Variants in ADGRG7 observed in about 807,000 individuals in gnomAD.
The protein encoded by ADGRG7 is G-protein coupled receptor 128.
ADGRG7 carries 82 observed loss-of-function variants against 88.6 expected under a neutral mutation model. That is an observed-to-expected ratio of 0.93 (90% CI 0.77 to 1.11). The LOEUF is 1.11. ADGRG7 is among the 50% of genes most tolerant of loss of function. The pLI, the probability that ADGRG7 is intolerant of heterozygous loss-of-function variation, is 0.00. For missense variants in ADGRG7, 945 were observed against 953.4 expected (o/e 0.99, Z 0.12); for synonymous variants, 381 against 345.2 (o/e 1.10, Z -1.15).
intron 1 of ADGRG7, among the ~76,000 whole-genome samples, chr3:100,624,627 T>A (rs982259068): frequency 6.6e-6 from 1 of 152,192 alleles, no homozygotes. Context: ...ATGTCCTGAA[T>A]GGTATTGCCT....
chr3:100,671,343 A>G (rs531773130), intron 15 of ADGRG7, among the ~76,000 whole-genome samples: 8 of 152,270 alleles, frequency 5.3e-5, no homozygotes, highest in Non-Finnish European at 7.4e-5. Flanking sequence ...GGGTTCATAA[A>G]TGTCTTCCTT....
intron 1 of ADGRG7, among the ~76,000 whole-genome samples, chr3:100,615,176 G>A (rs1443129641): frequency 6.6e-6 from 1 of 152,130 alleles, no homozygotes; most frequent in Non-Finnish European, 1.5e-5. Flanking sequence ...TACTGATCTG[G>A]AACTAATCAC....
chr3:100,659,647 C>T (rs768242186), intron 13 of ADGRG7, 41 bp from the exon 14 acceptor site: 1 of 1,596,310 alleles, frequency 6.3e-7, no homozygotes. Flanking sequence ...GTATGTATAC[C>T]TTTCTTAGTC....
At chr3:100,611,422 G>T (rs534339679) in intron 1 of ADGRG7, among the ~76,000 whole-genome samples, 184 of 151,784 alleles carry the variant, frequency 1.2e-3, no homozygotes, top group African/African-American at 4.3e-3. Context: ...CACAGTTATA[G>T]CAAAACCATT....
chr3:100,630,548 A>G (rs1267504325), intron 2 of ADGRG7, among the ~76,000 whole-genome samples, 157 bp from the exon 3 acceptor site: 3 of 152,206 alleles, frequency 2.0e-5, no homozygotes, highest in Non-Finnish European at 2.9e-5. Flanking sequence ...ACTTAACCAG[A>G]TAGCAAAGTA....
chr3:100,693,895 T>A (rs1013142656), intron 15 of ADGRG7, among the ~76,000 whole-genome samples: 1 of 152,204 alleles, frequency 6.6e-6, no homozygotes. Context: ...TCTTAAAAGC[T>A]ATGATACACT....
chr3:100,616,598 G>A (rs1707227707), intron 1 of ADGRG7, among the ~76,000 whole-genome samples: 1 of 152,156 alleles, frequency 6.6e-6, no homozygotes, highest in African/African-American at 2.4e-5. Flanking sequence ...GTCACTTGAA[G>A]CCAAGAGTTT....
In ADGRG7 at chr3:100,646,686, T is replaced by C; in HGVS notation, c.1228T>C (p.Cys410Arg). Residue 410 changes from cysteine (C) to arginine (R), a missense_variant, in exon 10 of 16, where the codon TGC becomes CGC. Cys to Arg is a radical substitution (Grantham distance 180). Transcript: ENST00000273352. Reference sequence around the variant, plus strand: ...CAAGGGCACTGATGGATTCCTGCGCTGCCGCTGCAACCATACTACTAATTT... The same window carrying C: ...CAAGGGCACTGATGGATTCCTGCGCCGCCGCTGCAACCATACTACTAATTT... ...KDKGTDGFLR[C>R]RCNHTTNFAV... 1 of 1,614,206 alleles carries C rather than the reference T, an allele frequency of 6.2e-7. No homozygotes were observed. Among genetic ancestry groups the C allele is most frequent in the Non-Finnish European group, 8.5e-7 (1 of 1,180,004 alleles).
intron 15 of ADGRG7, among the ~76,000 whole-genome samples, chr3:100,676,776 T>A (rs779652929): frequency 6.6e-6 from 1 of 152,074 alleles, no homozygotes; most frequent in Non-Finnish European, 1.5e-5. Flanking sequence ...TATATGTGGG[T>A]GCTCCAGTAT....
At chr3:100,681,071 A>G (rs1265719639) in intron 15 of ADGRG7, among the ~76,000 whole-genome samples, 1 of 152,172 alleles carries the variant, frequency 6.6e-6, no homozygotes. Flanking sequence ...AAGAAGTTAT[A>G]TATTTTTCCT....
chr3:100,647,188 G>A (rs749814490), intron 10 of ADGRG7, among the ~76,000 whole-genome samples: 3 of 152,010 alleles, frequency 2.0e-5, no homozygotes, highest in Admixed American at 6.6e-5. Flanking sequence ...AAAAAAAATA[G>A]GACTAAGGTA....
At chr3:100,617,998 G>C (rs1312233258) in intron 1 of ADGRG7, among the ~76,000 whole-genome samples, 1 of 152,142 alleles carries the variant, frequency 6.6e-6, no homozygotes, top group African/African-American at 2.4e-5. Flanking sequence ...GTGTCTATTG[G>C]CTGCATAAAT....
At chr3:100,665,616 A>G (rs1234606476) in intron 14 of ADGRG7, 1 of 353,532 alleles carries the variant, frequency 2.8e-6, no homozygotes, top group Non-Finnish European at 5.5e-6. Flanking sequence ...AAGAAGAAAT[A>G]TGGTTAAAAT....
intron 1 of ADGRG7, among the ~76,000 whole-genome samples, chr3:100,628,669 CTTAG>C (rs767886126): frequency 6.6e-5 from 10 of 152,178 alleles, no homozygotes; most frequent in Non-Finnish European, 1.2e-4. Context: ...TATTCTTCCA[CTTAG>C]TTAATTTGTT....
At chr3:100,662,808 G>GA (rs1284529949) in intron 14 of ADGRG7, among the ~76,000 whole-genome samples, 2 of 151,418 alleles carry the variant, frequency 1.3e-5, no homozygotes, top group East Asian at 1.9e-4. Flanking sequence ...CTGGAATTAT[G>GA]AAAAAAACAA....
At chr3:100,693,132 A>G (rs1004097809) in intron 15 of ADGRG7, among the ~76,000 whole-genome samples, 1 of 152,182 alleles carries the variant, frequency 6.6e-6, no homozygotes, top group Admixed American at 6.5e-5. Context: ...AGTCCACCCA[A>G]ACAGGTCCAA....
Position 100,667,976 on chromosome 3 carries a change from G to A in ADGRG7, c.1980-973G>A, listed in dbSNP as rs376254319. Among the ~76,000 whole-genome samples, 26 of 152,304 alleles carry A rather than the reference G, an allele frequency of 1.7e-4. No homozygotes were observed. The East Asian group carries it at 3.3e-3, about 19-fold the overall frequency. On this transcript the variant is annotated intron_variant, in intron 14 of 15. Coordinates refer to ENST00000273352, the MANE Select transcript of ADGRG7 (RefSeq NM_032787.3). ...GGGTTTCAAAGACCGTGGGACAAGC[G>A]CAGTATCTGTGTGGGAGTTTCTCAG...
chr3:100,659,063 C>T (rs1479531488), intron 13 of ADGRG7, among the ~76,000 whole-genome samples: 2 of 152,050 alleles, frequency 1.3e-5, no homozygotes, highest in African/African-American at 2.4e-5. Flanking sequence ...AAATAAACCC[C>T]ACAAAACAAA....
At chr3:100,612,186 C>T (rs1707164130) in intron 1 of ADGRG7, among the ~76,000 whole-genome samples, 1 of 151,678 alleles carries the variant, frequency 6.6e-6, no homozygotes, top group Non-Finnish European at 1.5e-5. Context: ...TTTTATTTTT[C>T]TTGGAAAAGT....
Sources: gnomAD v4.1 joint callset for allele counts (sites outside exome capture counted in the v4.1 genomes callset) on GRCh38, gnomAD v4.1.1 for gene constraint, MANE v1.5 for transcripts, NCBI Gene and HGNC (gene_info 2026-07-23, HGNC 2026-07-21) for gene names.